Variants in TMEM232 observed in about 807,000 individuals in gnomAD.
The protein encoded by TMEM232 is transmembrane protein 232.
Under a neutral mutation model 78.8 loss-of-function variants are expected in TMEM232, and 80 were observed. That is an observed-to-expected ratio of 1.01 (90% CI 0.85 to 1.22). The LOEUF is 1.22. Ranked by LOEUF, TMEM232 falls within the 50% of genes most tolerant of loss-of-function variation. The pLI, the probability that TMEM232 is intolerant of heterozygous loss-of-function variation, is 0.00. For synonymous variants in TMEM232, 297 were observed against 254.3 expected (o/e 1.17, Z -1.60); for missense variants, 881 against 742.2 (o/e 1.19, Z -2.17).
At chr5:110,715,781 A>C (rs1382628875) in intron 1 of TMEM232, among the ~76,000 whole-genome samples, 2 of 152,060 alleles carry the variant, frequency 1.3e-5, no homozygotes, top group African/African-American at 4.8e-5. Context: ...TTTGGAATGC[A>C]GGGAAAGCTG....
At chr5:110,639,981 C>T (rs370885740) in intron 4 of TMEM232, among the ~76,000 whole-genome samples, 5 of 152,318 alleles carry the variant, frequency 3.3e-5, no homozygotes, top group South Asian at 2.1e-4. Flanking sequence ...GTTCATGGTC[C>T]GGGGTTTTGA....
intron 1 of TMEM232, among the ~76,000 whole-genome samples, chr5:110,719,979 C>G (rs1797425909): frequency 6.6e-6 from 1 of 152,112 alleles, no homozygotes; most frequent in Non-Finnish European, 1.5e-5. Context: ...TTACTTGTCC[C>G]TTGTTCTGGT....
intron 10 of TMEM232, among the ~76,000 whole-genome samples, chr5:110,603,295 T>C (rs1781180514): frequency 6.6e-6 from 1 of 152,104 alleles, no homozygotes; most frequent in Non-Finnish European, 1.5e-5. Flanking sequence ...ACTTAAAGTA[T>C]AATAATACAT....
At position 110,649,479 on chromosome 5, in the gene TMEM232, A is replaced by G. The variant is rs981458531; in HGVS notation, c.126-7108T>C. On this transcript the variant is annotated intron_variant, in intron 2 of 13. Coordinates refer to ENST00000455884, the MANE Select transcript of TMEM232 (RefSeq NM_001039763.4). ...ACAAGTGTTTATACTTTTAATTACA[A>G]GAGTATGTATACTTTTAATTATAGC... 5.9e-5 allele frequency among the ~76,000 whole-genome samples: 9 copies of G among 152,126 alleles called. 1 individual carries two copies. Among genetic ancestry groups the G allele is most frequent in the Admixed American group, 4.6e-4 (7 of 15,244 alleles).
At chr5:110,494,839 A>G (rs1021564592) in intron 12 of TMEM232, among the ~76,000 whole-genome samples, 19 of 152,060 alleles carry the variant, frequency 1.2e-4, no homozygotes, top group African/African-American at 4.6e-4. Flanking sequence ...ATCAAAAATA[A>G]TTAGAACTTC....
chr5:110,418,605 T>C (rs1384718918), downstream of TMEM232, among the ~76,000 whole-genome samples: 1 of 151,928 alleles, frequency 6.6e-6, no homozygotes, highest in Admixed American at 6.6e-5. Context: ...CACTAAGACA[T>C]AAAAAGGGTT....
At chr5:110,458,681 T>A (rs538667332) in intron 12 of TMEM232, among the ~76,000 whole-genome samples, 19 of 152,332 alleles carry the variant, frequency 1.2e-4, no homozygotes, top group Non-Finnish European at 2.4e-4. Context: ...TCCATTTATT[T>A]TATGGTGTTT....
chr5:110,732,723 G>C (rs1232647377), intron 2 of TMEM232, among the ~76,000 whole-genome samples: 1 of 152,148 alleles, frequency 6.6e-6, no homozygotes, highest in Non-Finnish European at 1.5e-5. Flanking sequence ...GGGACACAAC[G>C]AACCATATCA....
At chr5:110,692,917 A>G (rs143685014) in intron 1 of TMEM232, among the ~76,000 whole-genome samples, 12,998 of 152,282 alleles carry the variant, frequency 0.085, 577 homozygotes, top group Admixed American at 0.12. Context: ...TAACCTCTGC[A>G]GACTTAAATG....
At chr5:110,621,411 A>T (rs1334523018) in intron 7 of TMEM232, among the ~76,000 whole-genome samples, 1 of 152,142 alleles carries the variant, frequency 6.6e-6, no homozygotes, top group Non-Finnish European at 1.5e-5. Flanking sequence ...TAGAGCACAA[A>T]AAATGAAAAA....
intron 7 of TMEM232, among the ~76,000 whole-genome samples, chr5:110,623,629 C>T (rs1784060273): frequency 6.6e-6 from 1 of 151,996 alleles, no homozygotes; most frequent in African/African-American, 2.4e-5. Flanking sequence ...AGAAACTGGG[C>T]TGAAACTGGG....
chr5:110,613,162 T>G (rs936713643), intron 8 of TMEM232, among the ~76,000 whole-genome samples: 6 of 152,180 alleles, frequency 3.9e-5, no homozygotes, highest in African/African-American at 1.4e-4. Flanking sequence ...GCTCTAATTC[T>G]GTGATTGCCT....
chr5:110,390,117 G>C (rs76732241), intron 4 of TMEM232, among the ~76,000 whole-genome samples: 2,166 of 152,102 alleles, frequency 0.014, 49 homozygotes, highest in African/African-American at 0.05. Context: ...ATAACCAATT[G>C]AGCTTTTTAT....
intron 11 of TMEM232, among the ~76,000 whole-genome samples, chr5:110,555,497 C>G (rs1230350254): frequency 6.6e-6 from 1 of 152,102 alleles, no homozygotes; most frequent in Non-Finnish European, 1.5e-5. Flanking sequence ...TGAGGGAGTG[C>G]TCTGTAGATT....
chr5:110,508,335 T>A (rs1014793018), intron 12 of TMEM232, among the ~76,000 whole-genome samples: 5 of 151,984 alleles, frequency 3.3e-5, no homozygotes, highest in African/African-American at 1.2e-4. Flanking sequence ...AAAGCATGAT[T>A]AGTGTTGGAT....
chr5:110,625,558 A>C, intron 6 of TMEM232, 125 bp from the exon 7 acceptor site: 1 of 847,614 alleles, frequency 1.2e-6, no homozygotes, highest in Non-Finnish European at 1.7e-6. Context: ...CTAGTTTCCT[A>C]TTTAAGATTT....
chr5:110,640,995 C>A lies in TMEM232; in HGVS notation c.239G>T (p.Arg80Ile), dbSNP rs1786613921. The stretch of plus-strand genomic sequence containing the variant: ...GCCCAGGGTTTTGAGACCCAATTTT[C>A]TCTGTTATGAGGAAGCATGAAAAAG... Reference protein sequence around the residue: ...LARKIILRCKRKLGLKTLGSG... With the variant: ...LARKIILRCKIKLGLKTLGSG... The change falls in exon 4 of 14, where the codon AGA becomes ATA. Residue 80 changes from arginine to isoleucine, a missense_variant and splice_region_variant. Physicochemically the swap from Arg to Ile is moderately conservative, Grantham distance 97. Transcript: ENST00000455884. 6.6e-7 allele frequency: 1 copy of A among 1,522,994 alleles called. No homozygotes were observed. Among genetic ancestry groups the A allele is most frequent in the Non-Finnish European group, 8.8e-7 (1 of 1,134,046 alleles). 94.3% of individuals were successfully genotyped at this position (1,522,994 alleles called of 1,614,324 possible). A position where few individuals can be genotyped will look rare whatever the true frequency, so the allele number is the denominator to read the frequency against.
chr5:110,590,428 T>C (rs369278605), intron 10 of TMEM232, among the ~76,000 whole-genome samples: 1 of 152,144 alleles, frequency 6.6e-6, no homozygotes, highest in East Asian at 1.9e-4. Flanking sequence ...ATCAGTGGTA[T>C]TACATTCTCA....
intron 10 of TMEM232, among the ~76,000 whole-genome samples, chr5:110,586,878 A>G (rs939524617): frequency 6.6e-6 from 1 of 152,178 alleles, no homozygotes; most frequent in South Asian, 2.1e-4. Flanking sequence ...ATGCTCTAGA[A>G]TCAAGTGTAA....
Sources: allele counts gnomAD v4.1 joint callset (sites outside exome capture counted in the v4.1 genomes callset), GRCh38; gene constraint gnomAD v4.1.1; transcripts MANE v1.5; gene names NCBI Gene and HGNC (gene_info 2026-07-23, HGNC 2026-07-21).